Variants in FNBP1 observed in about 807,000 individuals in gnomAD.
The protein encoded by FNBP1 is formin binding protein 1.
A neutral mutation model predicts 90.6 loss-of-function variants in FNBP1; 26 were observed. The ratio of observed to expected loss-of-function variants is 0.29; its 90% confidence interval spans 0.21 to 0.40. FNBP1 has a LOEUF of 0.40. FNBP1 is among the 10% of genes least tolerant of loss of function. The pLI, the probability that FNBP1 is intolerant of heterozygous loss-of-function variation, is 1.00. For missense variants in FNBP1, 635 were observed against 768.0 expected (o/e 0.83, Z 2.05); for synonymous variants, 260 against 265.2 (o/e 0.98, Z 0.19).
chr9:129,996,759 G>T (rs1287803854), intron 1 of FNBP1, among the ~76,000 whole-genome samples: 1 of 152,100 alleles, frequency 6.6e-6, no homozygotes, highest in Non-Finnish European at 1.5e-5. Context: ...GAGTGCAGTA[G>T]TGCAATCTCA....
intron 2 of FNBP1, among the ~76,000 whole-genome samples, chr9:129,983,547 G>A (rs900916744): frequency 1.3e-5 from 2 of 152,114 alleles, no homozygotes; most frequent in Non-Finnish European, 2.9e-5. Context: ...TCGTTCAGGC[G>A]CGGTGGCTCA....
At position 130,042,880 on chromosome 9, in the gene FNBP1, GC is replaced by G; in HGVS notation, c.24+71del. 1 of 1,080,238 alleles carries G rather than the reference GC, an allele frequency of 9.3e-7. No individual in the cohort carries two copies. Among genetic ancestry groups the G allele is most frequent in the South Asian group, 4.2e-5 (1 of 23,850 alleles). The allele number at this position is 1,080,238 out of a possible 1,614,324, so 66.9% of individuals were successfully genotyped here. A position where few individuals can be genotyped will look rare whatever the true frequency, so the allele number is the denominator to read the frequency against. On this transcript the variant is annotated intron_variant, in intron 1 of 16. Transcript: ENST00000446176. This position sits in a 1 kb window ranked among gnomAD's most constrained non-coding sequence, Gnocchi z 5.5. ...GCCTCCGCCCAGCAGCGCGGCCCGCGCCCCCTCCCCAGGCCGCGGGGAAACG... is the reference window on the plus strand; with the variant it reads ...GCCTCCGCCCAGCAGCGCGGCCCGCGCCCCTCCCCAGGCCGCGGGGAAACG...
chr9:129,987,648 A>G (rs1160954400), intron 2 of FNBP1, among the ~76,000 whole-genome samples: 2 of 151,878 alleles, frequency 1.3e-5, no homozygotes, highest in Non-Finnish European at 2.9e-5. Context: ...AGCTGGGATG[A>G]CAGGAGCGCC....
intron 6 of FNBP1, among the ~76,000 whole-genome samples, chr9:129,955,835 GCA>G (rs57433578): frequency 3.6e-5 from 5 of 140,624 alleles, no homozygotes; most frequent in East Asian, 2.0e-4. Context: ...CTTTTAGCGC[GCA>G]CACACACACA....
intron 4 of FNBP1, among the ~76,000 whole-genome samples, chr9:129,967,086 A>C (rs954965020): frequency 1.3e-5 from 2 of 152,224 alleles, no homozygotes; most frequent in Non-Finnish European, 2.9e-5. Context: ...ATGGTGTGTA[A>C]GAGAAAAGAG....
intron 16 of FNBP1, among the ~76,000 whole-genome samples, chr9:129,894,125 T>C: frequency 6.6e-6 from 1 of 151,954 alleles, no homozygotes; most frequent in Non-Finnish European, 1.5e-5. Flanking sequence ...CAGGGGCTAA[T>C]TTCCTACTTG....
rs2055084304 is a variant in FNBP1, at chr9:130,002,961, G to A, written c.25-8003C>T. The stretch of plus-strand genomic sequence containing the variant: ...CAGGTGCTGTTAGTTATGAGACGCT[G>A]AATAAACTGAAGAGTTGAATGAAGA... On this transcript the variant is annotated intron_variant, in intron 1 of 16. Transcript: ENST00000446176. Among the ~76,000 whole-genome samples the A allele has an allele frequency of 2.6e-5, 4 of 152,170 alleles. No homozygotes were observed. The South Asian group carries it at 8.3e-4, about 32-fold the overall frequency.
At chr9:130,000,294 C>T (rs536058829) in intron 1 of FNBP1, among the ~76,000 whole-genome samples, 1 of 152,164 alleles carries the variant, frequency 6.6e-6, no homozygotes, top group Non-Finnish European at 1.5e-5. Context: ...AGTTGGAGAC[C>T]AGCCTGGCTA....
At chr9:129,930,617 A>G (rs2042595307) in intron 6 of FNBP1, among the ~76,000 whole-genome samples, 1 of 152,144 alleles carries the variant, frequency 6.6e-6, no homozygotes, top group African/African-American at 2.4e-5. Context: ...TCTAATTCAT[A>G]TTCTGATTGA....
intron 1 of FNBP1, among the ~76,000 whole-genome samples, chr9:130,006,301 C>G (rs547838693): frequency 3.9e-5 from 6 of 152,160 alleles, no homozygotes; most frequent in African/African-American, 1.4e-4. Context: ...AAAAATCCAT[C>G]TTGACCAACA....
chr9:129,979,405 A>G, intron 2 of FNBP1, 31 bp from the exon 3 acceptor site: 2 of 1,465,652 alleles, frequency 1.4e-6, no homozygotes, highest in South Asian at 2.3e-5. Context: ...TGTCAGCTTT[A>G]TATAGAAAGA....
At chr9:129,909,759 G>A (rs370056127) in intron 11 of FNBP1, among the ~76,000 whole-genome samples, 1 of 152,104 alleles carries the variant, frequency 6.6e-6, no homozygotes, top group African/African-American at 2.4e-5. Flanking sequence ...AAGTAGCTGG[G>A]ACTACAGGCA....
intron 4 of FNBP1, among the ~76,000 whole-genome samples, chr9:129,962,645 A>G (rs1318126745): frequency 6.6e-6 from 1 of 152,196 alleles, no homozygotes; most frequent in Non-Finnish European, 1.5e-5. Flanking sequence ...CACTGTTTTA[A>G]GCGCCTCTTT....
At chr9:129,945,750 A>G (rs1288744779) in intron 6 of FNBP1, among the ~76,000 whole-genome samples, 1 of 152,254 alleles carries the variant, frequency 6.6e-6, no homozygotes, top group African/African-American at 2.4e-5. Flanking sequence ...TTTTCTTAAG[A>G]TAATTATCAA....
intron 11 of FNBP1, among the ~76,000 whole-genome samples, chr9:129,910,858 T>C (rs1175612916): frequency 7.5e-6 from 1 of 132,598 alleles, no homozygotes; most frequent in Non-Finnish European, 1.8e-5. Context: ...TGTGTGTGTG[T>C]GTGTGTGTAT....
At chr9:129,920,664 AT>A (rs1441782714) in intron 10 of FNBP1, among the ~76,000 whole-genome samples, 1 of 152,136 alleles carries the variant, frequency 6.6e-6, no homozygotes, top group East Asian at 1.9e-4. Flanking sequence ...CTTTTTCTAA[AT>A]AGTTAGAGAA....
chr9:130,016,014 T>C (rs992985617), intron 1 of FNBP1, among the ~76,000 whole-genome samples: 8 of 152,260 alleles, frequency 5.3e-5, no homozygotes, highest in African/African-American at 1.9e-4. Flanking sequence ...TTTGTAACTG[T>C]TCTCTTCTTA....
chr9:129,902,214 C>T (rs1310786577), intron 13 of FNBP1, among the ~76,000 whole-genome samples: 1 of 152,050 alleles, frequency 6.6e-6, no homozygotes, highest in African/African-American at 2.4e-5. Flanking sequence ...TTTTTCATTG[C>T]TTCTTTGATT....
intron 1 of FNBP1, among the ~76,000 whole-genome samples, chr9:130,022,985 C>CA (rs1266250878): frequency 1.3e-5 from 2 of 151,324 alleles, no homozygotes; most frequent in Non-Finnish European, 2.9e-5. Flanking sequence ...TGTCAAAAAA[C>CA]AAAAACAAAA....
Sources: gnomAD v4.1 joint callset for allele counts (sites outside exome capture counted in the v4.1 genomes callset) on GRCh38, gnomAD v4.1.1 for gene constraint, Gnocchi (gnomAD v3.1) non-coding constraint, MANE v1.5 for transcripts, NCBI Gene and HGNC (gene_info 2026-07-23, HGNC 2026-07-21) for gene names.